The following INPP4B variants were observed in gnomAD, a reference collection of about 807,000 sequenced individuals.
INPP4B encodes inositol polyphosphate-4-phosphatase type II B, also known as inositol polyphosphate 4-phosphatase type II.
INPP4B carries 55 observed loss-of-function variants against 122.5 expected under a neutral mutation model. The observed-to-expected ratio is 0.45, with a 90% CI of 0.36 to 0.56. The LOEUF is 0.56. Ranked by LOEUF, INPP4B falls within the 20% of genes least tolerant of loss-of-function variation. The pLI is 0.00. For missense variants in INPP4B, 1,000 were observed against 1,097.7 expected, an observed-to-expected ratio of 0.91 and a Z score of 1.26; for synonymous variants, 403 against 388.7, an observed-to-expected ratio of 1.04 and a Z score of -0.43.
chr4:142,702,730 CAAAAAAAAAAAAAA>C (rs35472471), intron 2 of INPP4B, among the ~76,000 whole-genome samples: 2 of 64,326 alleles, frequency 3.1e-5, no homozygotes, highest in African/African-American at 6.1e-5. Context: ...AACTCCGTCT[CAAAAAAAAAAAAAA>C]AAAAAAAAAA....
At chr4:142,578,715 G>C (rs558362550) in intron 2 of INPP4B, among the ~76,000 whole-genome samples, 1 of 151,910 alleles carries the variant, frequency 6.6e-6, no homozygotes, top group South Asian at 2.1e-4. Flanking sequence ...AAGGTACTGG[G>C]GGTTAGGGAT....
intron 18 of INPP4B, among the ~76,000 whole-genome samples, chr4:142,129,343 C>T (rs1423555238): frequency 1.3e-5 from 2 of 152,122 alleles, no homozygotes; most frequent in Non-Finnish European, 2.9e-5. Context: ...TTTGAAGGGC[C>T]TATGCCTTAC....
chr4:142,122,008 A>C (rs1263590129), intron 21 of INPP4B, 120 bp downstream of exon 21: 19 of 677,062 alleles, frequency 2.8e-5, no homozygotes, highest in African/African-American at 5.6e-5. Flanking sequence ...CCAAAAAGGA[A>C]AAGAAAAAAA....
At chr4:142,302,987 C>A (rs1274203363) in intron 9 of INPP4B, among the ~76,000 whole-genome samples, 1 of 152,094 alleles carries the variant, frequency 6.6e-6, no homozygotes, top group Non-Finnish European at 1.5e-5. Flanking sequence ...CTTTATACAT[C>A]AGAGGCATTT....
At chr4:142,118,759 A>C (rs1213594964) in intron 21 of INPP4B, among the ~76,000 whole-genome samples, 2 of 152,350 alleles carry the variant, frequency 1.3e-5, no homozygotes, top group East Asian at 3.9e-4. Flanking sequence ...CTAAAACACC[A>C]AAAGCAATGG....
intron 12 of INPP4B, among the ~76,000 whole-genome samples, chr4:142,224,450 T>C (rs1046788387): frequency 6.6e-6 from 1 of 152,114 alleles, no homozygotes; most frequent in African/African-American, 2.4e-5. Flanking sequence ...TCACAAAATG[T>C]TTTAAGATAT....
At chr4:142,085,831 T>TTCAA in intron 24 of INPP4B, among the ~76,000 whole-genome samples, 1 of 152,220 alleles carries the variant, frequency 6.6e-6, no homozygotes, top group Non-Finnish European at 1.5e-5. Context: ...AAATCCTGGG[T>TTCAA]GATACGGGCA....
At position 142,497,705 on chromosome 4, in the gene INPP4B, C is replaced by T. The variant is rs1463652376; in HGVS notation, c.-190-34979G>A. Among the ~76,000 whole-genome samples, 13 of 152,236 alleles carry T rather than the reference C, an allele frequency of 8.5e-5. No homozygotes were observed. In the East Asian group the frequency reaches 2.3e-3, roughly 27 times the overall value. On this transcript the variant is annotated intron_variant, in intron 2 of 25. Transcript: ENST00000262992. ...TGACTTTTTCAAAATTATCCTAAAA[C>T]AACAATATTTCCCAGTAGTAGTCCT...
chr4:142,503,190 C>T (rs573253852), intron 2 of INPP4B, among the ~76,000 whole-genome samples: 9 of 152,054 alleles, frequency 5.9e-5, no homozygotes, highest in Non-Finnish European at 1.0e-4. Flanking sequence ...ACCAAACAAC[C>T]AAATCAGAAA....
intron 7 of INPP4B, among the ~76,000 whole-genome samples, chr4:142,343,648 C>T (rs1463179837): frequency 1.3e-5 from 2 of 152,014 alleles, no homozygotes; most frequent in East Asian, 1.9e-4. Context: ...TCAAAATCAT[C>T]CCTTTTATGA....
chr4:142,430,632 C>T (rs1224026997), intron 4 of INPP4B, among the ~76,000 whole-genome samples: 3 of 151,942 alleles, frequency 2.0e-5, no homozygotes, highest in Non-Finnish European at 4.4e-5. Context: ...AATACAAAAC[C>T]AATTTTAATG....
chr4:142,613,957 A>T (rs572447459), intron 2 of INPP4B, among the ~76,000 whole-genome samples: 1 of 152,342 alleles, frequency 6.6e-6, no homozygotes, highest in Admixed American at 6.5e-5. Flanking sequence ...TTATACTAAG[A>T]TTCTTAGTTA....
chr4:142,308,803 G>A (rs1295909279), intron 8 of INPP4B, among the ~76,000 whole-genome samples: 2 of 151,958 alleles, frequency 1.3e-5, no homozygotes, highest in African/African-American at 4.8e-5. Flanking sequence ...TCTATCAGGG[G>A]AAAATAAAGA....
intron 1 of INPP4B, among the ~76,000 whole-genome samples, chr4:142,811,200 C>T (rs1224457921): frequency 6.6e-6 from 1 of 152,112 alleles, no homozygotes; most frequent in Non-Finnish European, 1.5e-5. Context: ...TATATATGCT[C>T]AGCACACCAA....
chr4:142,064,597 A>C (rs997796027), intron 25 of INPP4B, among the ~76,000 whole-genome samples: 5 of 152,198 alleles, frequency 3.3e-5, no homozygotes, highest in Admixed American at 2.6e-4. Flanking sequence ...AAATTGGTTC[A>C]TTCTTGTGAA....
At chr4:142,742,984 T>C (rs1768123252) in intron 1 of INPP4B, among the ~76,000 whole-genome samples, 1 of 151,892 alleles carries the variant, frequency 6.6e-6, no homozygotes, top group Non-Finnish European at 1.5e-5. Context: ...TTCTGTAAAA[T>C]AGAATTCAAG....
chr4:142,304,678 A>G (rs1762688989), intron 9 of INPP4B, among the ~76,000 whole-genome samples: 1 of 152,024 alleles, frequency 6.6e-6, no homozygotes. Flanking sequence ...AAAATAAGAG[A>G]GTCTTAAGAT....
In INPP4B at chr4:142,405,263, G is replaced by A. The variant is rs1447016831; in HGVS notation, c.198C>T (p.Ser66=). ...GACTCTGCTCCACGGGGTGGATTAC[G>A]GAGATCTGCACCAGTGTATTCAGTT... The part of the protein sequence containing the change: ...DRKLNTLVQI[S]VIHPVEQSLT... Residue 66 remains serine (S), a synonymous_variant, in exon 6 of 26, where the codon TCC becomes TCT. Transcript: ENST00000262992. 1 of 1,613,272 alleles carries A rather than the reference G, an allele frequency of 6.2e-7. No homozygotes were observed. The highest frequency in any genetic ancestry group is 1.7e-4 in the Middle Eastern group (1 of 6,054).
intron 2 of INPP4B, among the ~76,000 whole-genome samples, chr4:142,723,355 C>G (rs1475743813): frequency 6.6e-6 from 1 of 151,988 alleles, no homozygotes; most frequent in Non-Finnish European, 1.5e-5. Flanking sequence ...ACATGTAAAC[C>G]TATGTAAAAA....
Sources: allele counts gnomAD v4.1 joint callset (sites outside exome capture counted in the v4.1 genomes callset), GRCh38; gene constraint gnomAD v4.1.1; transcripts MANE v1.5; gene names NCBI Gene and HGNC (gene_info 2026-07-23, HGNC 2026-07-21).